WWOX: variants seen among roughly 807,000 people sequenced by gnomAD.
The protein encoded by WWOX is WW domain-containing oxidoreductase.
WWOX carries 69 observed loss-of-function variants against 46.2 expected under a neutral mutation model. That is an observed-to-expected ratio of 1.49 (90% CI 1.23 to 1.82). WWOX has a LOEUF of 1.82. Among genes scored for constraint, WWOX ranks in the 40% most tolerant of loss-of-function variants. The pLI, the probability that WWOX is intolerant of heterozygous loss-of-function variation, is 0.00. For synonymous variants in WWOX, 359 were observed against 202.6 expected (o/e 1.77, Z -6.56); for missense variants, 919 against 542.6 (o/e 1.69, Z -6.89).
intron 8 of WWOX, among the ~76,000 whole-genome samples, chr16:78,887,173 C>T (rs529881657): frequency 6.8e-6 from 1 of 147,926 alleles, no homozygotes; most frequent in Non-Finnish European, 1.5e-5. Context: ...ACTATTTTCT[C>T]CCGTAAGTTA....
chr16:79,113,782 C>A (rs573739540), intron 8 of WWOX, among the ~76,000 whole-genome samples: 1 of 152,294 alleles, frequency 6.6e-6, no homozygotes. Context: ...TTAAGGAGGG[C>A]AAAGGAGAGA....
At chr16:78,357,225 C>T (rs539529699) in intron 5 of WWOX, among the ~76,000 whole-genome samples, 3 of 152,236 alleles carry the variant, frequency 2.0e-5, no homozygotes, top group Non-Finnish European at 2.9e-5. Context: ...GCTGGGTTCT[C>T]TGGATGGTGG....
chr16:78,727,928 A>T (rs996407765), intron 8 of WWOX, among the ~76,000 whole-genome samples: 1 of 152,062 alleles, frequency 6.6e-6, no homozygotes, highest in Admixed American at 6.5e-5. Flanking sequence ...GGTCATTTTT[A>T]CTGATATTTA....
At chr16:78,825,982 G>GC in intron 8 of WWOX, 1 of 757,030 alleles carries the variant, frequency 1.3e-6, no homozygotes, top group Non-Finnish European at 2.1e-6. Flanking sequence ...CGCCTGCTAT[G>GC]CCCCAGCCAG....
intron 5 of WWOX, among the ~76,000 whole-genome samples, chr16:78,384,864 G>A (rs1438967346): frequency 1.3e-5 from 2 of 152,110 alleles, no homozygotes; most frequent in African/African-American, 4.8e-5. Flanking sequence ...TGCCAGGTGC[G>A]GTGGCTCACG....
intron 4 of WWOX, among the ~76,000 whole-genome samples, chr16:78,152,328 T>C (rs540660257): frequency 6.6e-6 from 1 of 152,318 alleles, no homozygotes; most frequent in Non-Finnish European, 1.5e-5. Context: ...TGATAAAACA[T>C]TTTGGTTGAT....
chr16:78,835,586 A>G (rs1375816552), intron 8 of WWOX, among the ~76,000 whole-genome samples: 2 of 152,204 alleles, frequency 1.3e-5, no homozygotes, highest in Non-Finnish European at 2.9e-5. Context: ...CAGACCTTAT[A>G]GCAGTCCTAT....
At position 78,950,219 on chromosome 16, in the gene WWOX, C is replaced by G. The variant is rs149834747; in HGVS notation, c.1057-261389C>G. 5.1e-3 allele frequency among the ~76,000 whole-genome samples: 780 copies of G among 152,280 alleles called. 23 individuals carry two copies. Among genetic ancestry groups the G allele is most frequent in the Admixed American group, 0.045 (692 of 15,294 alleles). Reference sequence around the variant, plus strand: ...ATCCATCCTTTTCCAATATTCCCTCCTAATCTTTCAGTTGAATTACGGTCT... The same window carrying G: ...ATCCATCCTTTTCCAATATTCCCTCGTAATCTTTCAGTTGAATTACGGTCT... On this transcript the variant is annotated intron_variant, in intron 8 of 8. Coordinates refer to ENST00000566780, the MANE Select transcript of WWOX (RefSeq NM_016373.4).
intron 8 of WWOX, among the ~76,000 whole-genome samples, chr16:78,699,832 G>T (rs1164613048): frequency 6.6e-6 from 1 of 152,070 alleles, no homozygotes; most frequent in Non-Finnish European, 1.5e-5. Flanking sequence ...TTATATCCAT[G>T]TAATATCAGG....
intron 4 of WWOX, among the ~76,000 whole-genome samples, chr16:78,145,341 A>T (rs182365986): frequency 6.6e-6 from 1 of 152,326 alleles, no homozygotes; most frequent in East Asian, 1.9e-4. Flanking sequence ...AGAGAAGCCG[A>T]TAGTGTAGCC....
intron 8 of WWOX, chr16:78,897,277 A>G (rs950167969): frequency 2.0e-5 from 3 of 150,894 alleles, no homozygotes; most frequent in Non-Finnish European, 2.9e-5. Flanking sequence ...CCAAAAAAAC[A>G]AAAACAAGAA....
In WWOX at chr16:78,258,245, C is replaced by T. The variant is rs566160773; in HGVS notation, c.516+93956C>T. Among the ~76,000 whole-genome samples, 5 of 152,190 alleles carry T rather than the reference C, an allele frequency of 3.3e-5. No homozygotes were observed. In the East Asian group the frequency reaches 5.8e-4, roughly 18 times the overall value. On this transcript the variant is annotated intron_variant, in intron 5 of 8. Transcript: ENST00000566780. ...TCATAGCATTAATAACAAAAAAATT[C>T]CACTGTTTATTTAACGTACCAGCAA...
chr16:78,703,337 C>A (rs928762711), intron 8 of WWOX, among the ~76,000 whole-genome samples: 2 of 152,074 alleles, frequency 1.3e-5, no homozygotes, highest in African/African-American at 2.4e-5. Flanking sequence ...GAGTTAAGGC[C>A]GGGCATGGTG....
chr16:78,243,698 C>T (rs188210739), intron 5 of WWOX, among the ~76,000 whole-genome samples: 16 of 152,284 alleles, frequency 1.1e-4, no homozygotes, highest in Non-Finnish European at 1.8e-4. Context: ...AGGTGTGCAC[C>T]ACCATGCCCG....
intron 5 of WWOX, among the ~76,000 whole-genome samples, chr16:78,252,484 T>C (rs1418343156): frequency 6.6e-6 from 1 of 152,216 alleles, no homozygotes. Flanking sequence ...AAAATCCCTT[T>C]TGAATCATCC....
intron 8 of WWOX, among the ~76,000 whole-genome samples, chr16:78,520,300 T>C (rs2043320663): frequency 6.6e-6 from 1 of 152,228 alleles, no homozygotes; most frequent in African/African-American, 2.4e-5. Flanking sequence ...GTGAATTTTT[T>C]AGATGTAAAA....
At chr16:79,059,590 A>G (rs959173298) in intron 8 of WWOX, among the ~76,000 whole-genome samples, 1 of 152,136 alleles carries the variant, frequency 6.6e-6, no homozygotes, top group African/African-American at 2.4e-5. Flanking sequence ...TTCCGGGTTC[A>G]AGTGATGCTC....
At chr16:78,396,305 A>G (rs1056598614) in intron 6 of WWOX, among the ~76,000 whole-genome samples, 20 of 149,994 alleles carry the variant, frequency 1.3e-4, no homozygotes, top group Non-Finnish European at 1.8e-4. Flanking sequence ...CATTTGTCGG[A>G]AAAAAAAAAG....
chr16:78,473,826 C>T (rs1290135909), intron 8 of WWOX, among the ~76,000 whole-genome samples: 2 of 152,128 alleles, frequency 1.3e-5, no homozygotes, highest in African/African-American at 2.4e-5. Context: ...TAAGATGATC[C>T]AGCTGTTGCA....
Sources: gnomAD v4.1 joint callset for allele counts (sites outside exome capture counted in the v4.1 genomes callset) on GRCh38, gnomAD v4.1.1 for gene constraint, MANE v1.5 for transcripts, NCBI Gene and HGNC (gene_info 2026-07-23, HGNC 2026-07-21) for gene names.